The following WDFY4 variants were observed in gnomAD, a reference collection of about 807,000 sequenced individuals.
The protein encoded by WDFY4 is WDFY family member 4, also known as WD repeat- and FYVE domain-containing protein 4.
WDFY4 carries 169 observed loss-of-function variants against 351.9 expected under a neutral mutation model. That is an observed-to-expected ratio of 0.48 (90% CI 0.42 to 0.55). The LOEUF (loss-of-function observed/expected upper bound fraction) is 0.55. WDFY4 is among the 20% of genes least tolerant of loss of function. The probability of loss-of-function intolerance (pLI) is 0.00; values close to 1 mark genes in which losing one functional copy is unlikely to be tolerated. For missense variants in WDFY4, 3,803 were observed against 3,935.6 expected (o/e 0.97, Z 0.90); for synonymous variants, 1,622 against 1,574.6 (o/e 1.03, Z -0.71).
At chr10:48,752,786 A>G (rs1257867267) in intron 12 of WDFY4, among the ~76,000 whole-genome samples, 2 of 152,200 alleles carry the variant, frequency 1.3e-5, no homozygotes, top group Admixed American at 6.5e-5. Context: ...TCATTTGTTG[A>G]TGAACATTTG....
At chr10:48,933,045 G>A (rs939905177) in intron 47 of WDFY4, among the ~76,000 whole-genome samples, 1 of 152,162 alleles carries the variant, frequency 6.6e-6, no homozygotes, top group African/African-American at 2.4e-5. Context: ...AGGCAGGGAA[G>A]GAGAGTGATG....
chr10:48,768,490 C>T (rs1020772323), intron 13 of WDFY4, among the ~76,000 whole-genome samples: 1 of 152,200 alleles, frequency 6.6e-6, no homozygotes, highest in Non-Finnish European at 1.5e-5. Flanking sequence ...GCCCATTTTC[C>T]TCACCTGCCT....
chr10:48,918,437 C>A (rs1045257189), intron 47 of WDFY4, among the ~76,000 whole-genome samples: 2 of 152,108 alleles, frequency 1.3e-5, no homozygotes, highest in African/African-American at 4.8e-5. Context: ...TTATTAATGT[C>A]AGATAAAGCA....
chr10:48,693,277 G>A (rs2063244199), intron 1 of WDFY4, among the ~76,000 whole-genome samples: 1 of 152,170 alleles, frequency 6.6e-6, no homozygotes, highest in Admixed American at 6.5e-5. Context: ...GATGGGAGGT[G>A]GAGGGGAGCC....
intron 39 of WDFY4, among the ~76,000 whole-genome samples, chr10:48,861,559 C>T (rs2069344430): frequency 1.3e-5 from 2 of 152,176 alleles, no homozygotes; most frequent in South Asian, 4.1e-4. Context: ...AAAAAAATCA[C>T]TGTTAATTAA....
chr10:48,780,990 G>T (rs2066201504), intron 19 of WDFY4, among the ~76,000 whole-genome samples: 1 of 152,130 alleles, frequency 6.6e-6, no homozygotes, highest in South Asian at 2.1e-4. Context: ...AGGGTTTCTG[G>T]ATTCCCCCTA....
chr10:48,745,835 G>T, intron 12 of WDFY4: 2 of 334,460 alleles, frequency 6.0e-6, no homozygotes, highest in South Asian at 2.9e-5. Context: ...CGAACACCTC[G>T]GCGTCCAAGG....
intron 51 of WDFY4, among the ~76,000 whole-genome samples, chr10:48,948,607 C>T (rs2133790238): frequency 6.6e-6 from 1 of 152,346 alleles, no homozygotes; most frequent in African/African-American, 2.4e-5. Flanking sequence ...TACATCACAG[C>T]TCTGCCACTT....
At chr10:48,944,847 C>T (rs757892558) in intron 49 of WDFY4, among the ~76,000 whole-genome samples, 1 of 152,132 alleles carries the variant, frequency 6.6e-6, no homozygotes, top group African/African-American at 2.4e-5. Flanking sequence ...TTAAAAAAAT[C>T]TGGATTTCCA....
chr10:48,733,697 T>TG (rs1249195026), intron 9 of WDFY4, among the ~76,000 whole-genome samples: 1 of 152,200 alleles, frequency 6.6e-6, no homozygotes, highest in Non-Finnish European at 1.5e-5. Flanking sequence ...GGACCCAGCA[T>TG]GGGGCTCCGG....
intron 2 of WDFY4, among the ~76,000 whole-genome samples, 171 bp from the exon 3 acceptor site, chr10:48,719,840 T>C (rs796954153): frequency 2.6e-5 from 4 of 152,236 alleles, no homozygotes; most frequent in African/African-American, 9.6e-5. Context: ...GGCGTTGGTA[T>C]AGGGATGATG....
intron 39 of WDFY4, among the ~76,000 whole-genome samples, chr10:48,836,447 G>T (rs1387017764): frequency 1.3e-5 from 2 of 152,172 alleles, no homozygotes. Context: ...GAAAGAAGAG[G>T]CTTGTAATTA....
At chr10:48,864,712 A>G (rs1326793366) in intron 39 of WDFY4, among the ~76,000 whole-genome samples, 2 of 152,222 alleles carry the variant, frequency 1.3e-5, no homozygotes, top group African/African-American at 2.4e-5. Context: ...GTTACCATAC[A>G]TATGGGATAT....
chr10:48,807,613 G>A (rs933260797), intron 27 of WDFY4, among the ~76,000 whole-genome samples: 2 of 152,060 alleles, frequency 1.3e-5, no homozygotes, highest in African/African-American at 4.8e-5. Context: ...ATTATTTTTA[G>A]GATTTTTGTT....
At chr10:48,950,295 T>C (rs1841259541) in intron 51 of WDFY4, among the ~76,000 whole-genome samples, 2 of 152,238 alleles carry the variant, frequency 1.3e-5, no homozygotes, top group Admixed American at 6.5e-5. Context: ...AATTATGCAA[T>C]GTTTGTCCTT....
At chr10:48,911,477 C>T (rs997706568) in intron 47 of WDFY4, among the ~76,000 whole-genome samples, 6 of 152,172 alleles carry the variant, frequency 3.9e-5, no homozygotes, top group African/African-American at 9.7e-5. Context: ...TATATAGGCT[C>T]TCATCACAAG....
At chr10:48,721,149 CA>C in intron 3 of WDFY4, 111 bp from the exon 4 acceptor site, 1 of 1,043,112 alleles carries the variant, frequency 9.6e-7, no homozygotes, top group Non-Finnish European at 1.4e-6. Context: ...GGCAAGATGC[CA>C]AAGTCCTCTA....
At chr10:48,721,031 T>C (rs775981610) in intron 3 of WDFY4, among the ~76,000 whole-genome samples, 2 of 152,198 alleles carry the variant, frequency 1.3e-5, no homozygotes, top group African/African-American at 4.8e-5. Flanking sequence ...GAACCACTGA[T>C]GGTTGCTAAA....
At chr10:48,819,315 T>G (rs1270198070) in intron 32 of WDFY4, among the ~76,000 whole-genome samples, 2 of 152,236 alleles carry the variant, frequency 1.3e-5, no homozygotes, top group Non-Finnish European at 2.9e-5. Context: ...ACCCTCTTCA[T>G]GCAGAAGGCT....
Sources: gnomAD v4.1 joint callset for allele counts (sites outside exome capture counted in the v4.1 genomes callset) on GRCh38, gnomAD v4.1.1 for gene constraint, MANE v1.5 for transcripts, NCBI Gene and HGNC (gene_info 2026-07-23, HGNC 2026-07-21) for gene names.